The following MEIS2 variants were observed in gnomAD, a reference collection of about 807,000 sequenced individuals.
MEIS2 encodes Meis homeobox 2.
Under a neutral mutation model 58.6 loss-of-function variants are expected in MEIS2, and 9 were observed. The ratio of observed to expected loss-of-function variants is 0.15; its 90% confidence interval spans 0.09 to 0.27. MEIS2 has a LOEUF of 0.27. Among genes scored for constraint, MEIS2 ranks in the 10% least tolerant of loss-of-function variants. The pLI is 1.00. For missense variants in MEIS2, 427 were observed against 635.0 expected, an observed-to-expected ratio of 0.67 and a Z score of 3.52; for synonymous variants, 221 against 228.4, an observed-to-expected ratio of 0.97 and a Z score of 0.29.
At chr15:37,041,855 C>A (rs568456960) in intron 7 of MEIS2, among the ~76,000 whole-genome samples, 302 of 152,246 alleles carry the variant, frequency 2.0e-3, no homozygotes, top group African/African-American at 6.8e-3. Flanking sequence ...AAAGAAAATT[C>A]TCATTCATAA....
At chr15:37,023,038 A>G (rs1240298993) in intron 8 of MEIS2, among the ~76,000 whole-genome samples, 1 of 152,014 alleles carries the variant, frequency 6.6e-6, no homozygotes, top group Non-Finnish European at 1.5e-5. Flanking sequence ...AATGTTACAT[A>G]TTTTTGCTAG....
At chr15:37,047,859 G>C (rs566706097) in intron 7 of MEIS2, among the ~76,000 whole-genome samples, 1 of 152,274 alleles carries the variant, frequency 6.6e-6, no homozygotes, top group African/African-American at 2.4e-5. Flanking sequence ...TATGCTCTAA[G>C]TATTTTGTCT....
chr15:37,082,381 T>C (rs1273851806), intron 7 of MEIS2, among the ~76,000 whole-genome samples: 1 of 152,066 alleles, frequency 6.6e-6, no homozygotes, highest in Non-Finnish European at 1.5e-5. Context: ...AATAGATACA[T>C]TTCACCCTTT....
At chr15:36,900,799 G>C (rs568379604) in intron 9 of MEIS2, among the ~76,000 whole-genome samples, 99 of 152,326 alleles carry the variant, frequency 6.5e-4, no homozygotes, top group Non-Finnish European at 1.3e-3. Context: ...GTATGGTTCA[G>C]ATTGATAGAA....
intron 6 of MEIS2, among the ~76,000 whole-genome samples, chr15:37,088,622 G>T (rs1009282955): frequency 6.6e-6 from 1 of 152,024 alleles, no homozygotes; most frequent in African/African-American, 2.4e-5. Context: ...TCAGAACCTG[G>T]ACTCACTCTT....
chr15:37,022,096 T>C (rs540416290), intron 8 of MEIS2, among the ~76,000 whole-genome samples: 3 of 152,138 alleles, frequency 2.0e-5, no homozygotes, highest in African/African-American at 7.2e-5. Context: ...TGTGTACTTT[T>C]AGAATTATTT....
intron 7 of MEIS2, among the ~76,000 whole-genome samples, chr15:37,071,846 C>T (rs1188563392): frequency 6.6e-6 from 1 of 152,032 alleles, no homozygotes; most frequent in Non-Finnish European, 1.5e-5. Context: ...CATTATTCAC[C>T]CAACATGCAT....
At chr15:37,008,798 G>A (rs746694848) in intron 8 of MEIS2, among the ~76,000 whole-genome samples, 16 of 152,106 alleles carry the variant, frequency 1.1e-4, no homozygotes, top group Non-Finnish European at 1.5e-4. Flanking sequence ...GTGCCAGAAC[G>A]CATTATAGGA....
chr15:37,058,148 C>G (rs1424485375), intron 7 of MEIS2, among the ~76,000 whole-genome samples: 1 of 152,014 alleles, frequency 6.6e-6, no homozygotes, highest in East Asian at 1.9e-4. Flanking sequence ...TCTCCCTACT[C>G]CCCCCACACC....
intron 8 of MEIS2, 164 bp downstream of exon 8, chr15:37,036,650 G>T: frequency 1.5e-6 from 1 of 649,060 alleles, no homozygotes; most frequent in Non-Finnish European, 2.4e-6. Context: ...CTCTTTGGAT[G>T]GTAATAGTTG....
chr15:36,891,876 G>A lies in MEIS2; in HGVS notation c.*297C>T, dbSNP rs867229100. 23 of 415,202 alleles carry A rather than the reference G, an allele frequency of 5.5e-5. No homozygotes were observed. Among genetic ancestry groups the A allele is most frequent in the African/African-American group, 1.5e-4 (7 of 47,784 alleles). 25.7% of individuals were successfully genotyped at this position (415,202 alleles called of 1,614,324 possible). A position where few individuals can be genotyped will look rare whatever the true frequency, so the allele number is the denominator to read the frequency against. ...AAACTATTTGAGGCAACATAACGGC[G>A]TGATCAACAGAAATGTACAAGTTTA... On this transcript the variant is annotated 3_prime_UTR_variant, in exon 12 of 12. Coordinates refer to ENST00000561208, the MANE Select transcript of MEIS2 (RefSeq NM_170675.5).
chr15:37,016,724 T>C (rs962806330), intron 8 of MEIS2, among the ~76,000 whole-genome samples: 3 of 152,224 alleles, frequency 2.0e-5, no homozygotes, highest in African/African-American at 7.2e-5. Context: ...ATAAAACAGC[T>C]ACACATTAAT....
Position 36,892,904 on chromosome 15 carries a change from A to C in MEIS2, c.1148-445T>G, listed in dbSNP as rs1044972445. Among the ~76,000 whole-genome samples the C allele has an allele frequency of 2.0e-5, 3 of 152,242 alleles. No individual in the cohort carries two copies. In the South Asian group the frequency reaches 6.2e-4, roughly 32 times the overall value. On this transcript the variant is annotated intron_variant, in intron 11 of 11. Transcript: ENST00000561208. ...TTATCATATCTATATTTCCTCATGA[A>C]AAATTTATTACACAAAACATTACAG... is the stretch of plus-strand genomic sequence containing the variant.
At chr15:36,959,002 C>A (rs2059091049) in intron 8 of MEIS2, among the ~76,000 whole-genome samples, 1 of 152,080 alleles carries the variant, frequency 6.6e-6, no homozygotes, top group African/African-American at 2.4e-5. Flanking sequence ...TTAGATTTTT[C>A]AGTGAACTGC....
chr15:36,924,804 G>C (rs1595735431), intron 9 of MEIS2, among the ~76,000 whole-genome samples: 3 of 152,306 alleles, frequency 2.0e-5, no homozygotes, highest in African/African-American at 7.2e-5. Flanking sequence ...AAGAAGTGGG[G>C]TGTCTCCGCA....
chr15:36,959,481 G>A (rs142714124), intron 8 of MEIS2, among the ~76,000 whole-genome samples: 115 of 152,182 alleles, frequency 7.6e-4, no homozygotes, highest in Middle Eastern at 3.4e-3. Flanking sequence ...CAATAAATAC[G>A]TGTTGAACTA....
At position 37,029,713 on chromosome 15, in the gene MEIS2, T is replaced by C. The variant is rs143601587; in HGVS notation, c.900+7101A>G. Among the ~76,000 whole-genome samples the C allele has an allele frequency of 2.1e-3, 322 of 152,272 alleles. 1 individual carries two copies. The highest frequency in any genetic ancestry group is 7.3e-3 in the African/African-American group (303 of 41,560). On this transcript the variant is annotated intron_variant, in intron 8 of 11. Coordinates refer to ENST00000561208, the MANE Select transcript of MEIS2 (RefSeq NM_170675.5). ...TGTGCAGCACGTTACAGTTTACAAA[T>C]TGACTGCATCATTTGAGCCACACAG...
chr15:36,970,517 G>C (rs1044322117), intron 8 of MEIS2, among the ~76,000 whole-genome samples: 1 of 152,044 alleles, frequency 6.6e-6, no homozygotes, highest in African/African-American at 2.4e-5. Context: ...CAAGAAATCA[G>C]AGAGTGCCCA....
intron 8 of MEIS2, among the ~76,000 whole-genome samples, chr15:37,019,113 T>A (rs1567188455): frequency 6.6e-6 from 1 of 152,232 alleles, no homozygotes. Flanking sequence ...AGAGATAGAC[T>A]GTTTTACATA....
Sources: gnomAD v4.1 joint callset for allele counts (sites outside exome capture counted in the v4.1 genomes callset) on GRCh38, gnomAD v4.1.1 for gene constraint, MANE v1.5 for transcripts, NCBI Gene and HGNC (gene_info 2026-07-23, HGNC 2026-07-21) for gene names.